Variants in PGCKA1 observed in about 807,000 individuals in gnomAD.
PGCKA1 encodes the protein PDCD10 and GCKIII kinases associated 1.
chr4:37,508,693 G>GTTTTTTTTTTTTTTTTTTTTTTTTTTT, the PGCKA1 span, among the ~76,000 whole-genome samples: 45 of 53,270 alleles, frequency 8.4e-4, no homozygotes, highest in African/African-American at 1.1e-3. Flanking sequence ...CTTTTTTTTA[G>GTTTTTTTTTTTTTTTTTTTTTTTTTTT]TATTTATTGA....
the PGCKA1 span, chr4:37,558,225 T>G: frequency 6.6e-6 from 1 of 152,202 alleles, no homozygotes; most frequent in Admixed American, 6.5e-5. Flanking sequence ...GTCTCCTTCT[T>G]TCTGACTCAC....
At chr4:37,479,020 C>T in the PGCKA1 span, among the ~76,000 whole-genome samples, 23 of 152,196 alleles carry the variant, frequency 1.5e-4, no homozygotes, top group Non-Finnish European at 1.9e-4. Flanking sequence ...TTATGGCTTT[C>T]TCAAGTTAAA....
chr4:37,539,025 C>G, the PGCKA1 span, among the ~76,000 whole-genome samples: 2 of 152,156 alleles, frequency 1.3e-5, no homozygotes, highest in East Asian at 3.9e-4. Flanking sequence ...TAAGAATGAC[C>G]CCCACATAGC....
the PGCKA1 span, among the ~76,000 whole-genome samples, chr4:37,575,185 A>T: frequency 6.6e-6 from 1 of 152,178 alleles, no homozygotes; most frequent in East Asian, 1.9e-4. Flanking sequence ...ACTATTCTCC[A>T]TAGTGGTTGT....
the PGCKA1 span, among the ~76,000 whole-genome samples, chr4:37,535,365 G>T: frequency 6.6e-6 from 1 of 152,188 alleles, no homozygotes; most frequent in Non-Finnish European, 1.5e-5. Flanking sequence ...TGCAAACTGG[G>T]TGACAGAGTG....
chr4:37,519,674 G>C, the PGCKA1 span, among the ~76,000 whole-genome samples: 1 of 152,080 alleles, frequency 6.6e-6, no homozygotes, highest in Non-Finnish European at 1.5e-5. Flanking sequence ...GGAGTCCTTA[G>C]GTTTTTCTAA....
the PGCKA1 span, among the ~76,000 whole-genome samples, chr4:37,466,065 C>G: frequency 6.6e-6 from 1 of 152,072 alleles, no homozygotes; most frequent in African/African-American, 2.4e-5. Flanking sequence ...AGTGGGAGTG[C>G]CTCTCACTAC....
the PGCKA1 span, among the ~76,000 whole-genome samples, chr4:37,523,455 G>A: frequency 1.3e-5 from 2 of 151,920 alleles, no homozygotes; most frequent in African/African-American, 4.8e-5. Context: ...TACTATGAGG[G>A]CACACTGATT....
At chr4:37,547,706 C>T in the PGCKA1 span, among the ~76,000 whole-genome samples, 30,841 of 151,924 alleles carry the variant, frequency 0.2, 3,199 homozygotes, top group Middle Eastern at 0.31. Context: ...CCTTCCCCAC[C>T]CAACAGTAGT....
At chr4:37,514,481 A>G in the PGCKA1 span, among the ~76,000 whole-genome samples, 1 of 152,178 alleles carries the variant, frequency 6.6e-6, no homozygotes, top group Non-Finnish European at 1.5e-5. Flanking sequence ...ATCGGGATAA[A>G]AGAACAATTC....
At chr4:37,527,452 T>C in the PGCKA1 span, among the ~76,000 whole-genome samples, 10 of 152,288 alleles carry the variant, frequency 6.6e-5, no homozygotes, top group East Asian at 1.9e-3. Flanking sequence ...AAGTGCCCTA[T>C]CTAGGTGAAC....
At chr4:37,515,361 A>G in the PGCKA1 span, among the ~76,000 whole-genome samples, 1 of 152,206 alleles carries the variant, frequency 6.6e-6, no homozygotes, top group Admixed American at 6.5e-5. Flanking sequence ...AGCCCATGTC[A>G]GCCATATTCT....
chr4:37,509,928 G>A, the PGCKA1 span, among the ~76,000 whole-genome samples: 86 of 150,016 alleles, frequency 5.7e-4, 1 homozygote, highest in African/African-American at 1.6e-3. Flanking sequence ...GTCCAGCTTC[G>A]GCTGGGCATC....
the PGCKA1 span, chr4:37,460,968 G>C: frequency 2.9e-6 from 1 of 342,912 alleles, no homozygotes; most frequent in Middle Eastern, 9.5e-4. Context: ...TATGGTTTTG[G>C]GTTTTACATT....
At chr4:37,479,681 T>C in the PGCKA1 span, among the ~76,000 whole-genome samples, 1 of 152,156 alleles carries the variant, frequency 6.6e-6, no homozygotes, top group African/African-American at 2.4e-5. Flanking sequence ...GTGAGGTTGA[T>C]TACAAGAAGA....
At chr4:37,583,139 C>A in the PGCKA1 span, among the ~76,000 whole-genome samples, 1 of 152,150 alleles carries the variant, frequency 6.6e-6, no homozygotes, top group Non-Finnish European at 1.5e-5. Context: ...AGTTGTTCCA[C>A]ATTTGGCCAG....
At chr4:37,547,049 A>G in the PGCKA1 span, among the ~76,000 whole-genome samples, 1 of 151,350 alleles carries the variant, frequency 6.6e-6, no homozygotes, top group South Asian at 2.1e-4. Flanking sequence ...GCTTGACAGG[A>G]CTGGTCTTGG....
the PGCKA1 span, among the ~76,000 whole-genome samples, chr4:37,561,877 T>C: frequency 1.3e-5 from 2 of 152,252 alleles, no homozygotes; most frequent in Non-Finnish European, 2.9e-5. Context: ...TCATTAACAT[T>C]GAGCTCAGGG....
the PGCKA1 span, among the ~76,000 whole-genome samples, chr4:37,494,489 G>A: frequency 6.6e-6 from 1 of 152,200 alleles, no homozygotes. Flanking sequence ...ATATTCCATA[G>A]TGTATATGTA....
Sources: gnomAD v4.1 joint callset for allele counts (sites outside exome capture counted in the v4.1 genomes callset) on GRCh38, gnomAD v4.1.1 for gene constraint, MANE v1.5 for transcripts, NCBI Gene and HGNC (gene_info 2026-07-23, HGNC 2026-07-21) for gene names.